MEIOB: variants seen among roughly 807,000 people sequenced by gnomAD.
MEIOB encodes the protein meiosis specific with OB-fold, also known as meiosis-specific with OB domain-containing protein.
In MEIOB, 50 loss-of-function variants were observed where a neutral mutation model predicts 53.1. The ratio of observed to expected loss-of-function variants is 0.94; its 90% CI spans 0.75 to 1.19. The LOEUF is 1.19. Ranked by LOEUF, MEIOB falls within the 50% of genes most tolerant of loss-of-function variation. MEIOB has a pLI of 0.00. For missense variants in MEIOB, 551 were observed against 550.8 expected (o/e 1.00, Z 0.00); for synonymous variants, 192 against 182.5 (o/e 1.05, Z -0.42).
intron 1 of MEIOB, among the ~76,000 whole-genome samples, chr16:1,870,327 A>G (rs1784161168): frequency 6.6e-6 from 1 of 152,192 alleles, no homozygotes; most frequent in Non-Finnish European, 1.5e-5. Context: ...TCATCACTCT[A>G]AAAGGTTCTA....
intron 13 of MEIOB, among the ~76,000 whole-genome samples, chr16:1,835,783 C>G (rs1026673148): frequency 6.6e-6 from 1 of 152,160 alleles, no homozygotes; most frequent in Admixed American, 6.6e-5. Flanking sequence ...TATAGAGGAG[C>G]CCAGAGGTTC....
At chr16:1,838,935 G>A (rs971635020) in intron 12 of MEIOB, among the ~76,000 whole-genome samples, 14 of 152,068 alleles carry the variant, frequency 9.2e-5, no homozygotes, top group African/African-American at 4.8e-5. Flanking sequence ...CAAGTGATCC[G>A]CCCTCCTTGG....
intron 11 of MEIOB, 47 bp downstream of exon 11, chr16:1,841,773 T>C (rs1356673212): frequency 2.2e-5 from 30 of 1,373,658 alleles, no homozygotes; most frequent in Non-Finnish European, 2.8e-5. Flanking sequence ...TTAACAATAA[T>C]TATTTCTTAC....
chr16:1,853,335 T>C, intron 7 of MEIOB, 64 bp from the exon 8 acceptor site: 1 of 1,257,316 alleles, frequency 8.0e-7, no homozygotes, highest in African/African-American at 1.5e-5. Flanking sequence ...TAGTGACATA[T>C]TATTTACAAC....
intron 3 of MEIOB, among the ~76,000 whole-genome samples, chr16:1,862,642 C>A (rs929367903): frequency 6.6e-6 from 1 of 151,688 alleles, no homozygotes; most frequent in Non-Finnish European, 1.5e-5. Flanking sequence ...AAAAATAGGC[C>A]GGGCGCAATG....
chr16:1,869,256 CTGGGATT>C (rs1263326212), intron 1 of MEIOB, among the ~76,000 whole-genome samples: 3 of 152,162 alleles, frequency 2.0e-5, no homozygotes, highest in Non-Finnish European at 4.4e-5. Flanking sequence ...TCCCAAATAG[CTGGGATT>C]ACAGGCGCCT....
intron 9 of MEIOB, among the ~76,000 whole-genome samples, chr16:1,850,630 C>T (rs1158535729): frequency 6.7e-6 from 1 of 149,470 alleles, no homozygotes; most frequent in Non-Finnish European, 1.5e-5. Context: ...TAATAATAAA[C>T]CATACATAGG....
At position 1,853,240 on chromosome 16, in the gene MEIOB, T is replaced by C. The variant is rs1899215451; in HGVS notation, c.661A>G (p.Ser221Gly). ...ATACCTGTTTCTCGTGGCATCCAGC[T>C]CTGTGCAAGTAGAATGGATTCATTA... Reference protein sequence around the residue: ...WDNESILLAQSWMPRETVIFA... With the variant: ...WDNESILLAQGWMPRETVIFA... Residue 221 changes from serine to glycine, a missense_variant, in exon 8 of 14, where the codon AGC (serine) becomes GGC (glycine). Coordinates refer to ENST00000325962, the MANE Select transcript of MEIOB (RefSeq NM_001163560.3). The C allele has an allele frequency of 6.4e-7, 1 of 1,551,664 alleles. No homozygotes were observed.
At chr16:1,853,630 G>T (rs1899225205) in intron 7 of MEIOB, among the ~76,000 whole-genome samples, 1 of 152,200 alleles carries the variant, frequency 6.6e-6, no homozygotes. Flanking sequence ...CTGCTCAGGG[G>T]CCTTGATGGG....
Position 1,857,826 on chromosome 16 carries a change from T to C in MEIOB, c.437A>G (p.Glu146Gly). The C allele has an allele frequency of 6.4e-7, 1 of 1,551,552 alleles. No homozygotes were observed. Reference protein sequence around the residue: ...LLSLIHLPVKESHDYYSLGDI... With the variant: ...LLSLIHLPVKGSHDYYSLGDI... ...ACCCAGTGAATAATAATCATGAGAC[T>C]CTTTAACAGGTAAATGTATCAAAGA... The change falls in exon 6 of 14, where the codon GAG becomes GGG. Residue 146 changes from glutamate (E) to glycine (G), a missense_variant. Physicochemically the swap from Glu to Gly is moderately conservative, Grantham distance 98. Transcript: ENST00000325962.
intron 1 of MEIOB, among the ~76,000 whole-genome samples, chr16:1,869,876 A>ATTTTTT (rs10681287): frequency 0.13 from 17,779 of 140,324 alleles, 1,935 homozygotes; most frequent in South Asian, 0.27. Flanking sequence ...AAAGGTAGTG[A>ATTTTTT]TTTTTTTTTT....
At chr16:1,865,188 T>C (rs1342721657) in intron 3 of MEIOB, among the ~76,000 whole-genome samples, 2 of 151,940 alleles carry the variant, frequency 1.3e-5, no homozygotes, top group Non-Finnish European at 2.9e-5. Flanking sequence ...TTCCAGCACT[T>C]TGGGAGGCCG....
intron 4 of MEIOB, 75 bp from the exon 5 acceptor site, chr16:1,860,550 T>A (rs1238185272): frequency 4.7e-6 from 4 of 849,628 alleles, no homozygotes; most frequent in Non-Finnish European, 5.7e-6. Flanking sequence ...AATAACATCC[T>A]GTTTAATTTA....
intron 9 of MEIOB, among the ~76,000 whole-genome samples, chr16:1,846,318 G>A (rs186185493): frequency 8.3e-4 from 126 of 152,240 alleles, no homozygotes; most frequent in African/African-American, 2.8e-3. Context: ...CAGCACTGCA[G>A]GTCCTCACTG....
chr16:1,842,584 T>A (rs552010798), intron 10 of MEIOB, among the ~76,000 whole-genome samples: 1 of 116,956 alleles, frequency 8.6e-6, no homozygotes, highest in East Asian at 2.9e-4. Flanking sequence ...GATGGCGCCA[T>A]TGCACTCCAG....
chr16:1,834,531 A>G (rs1379026367), intron 13 of MEIOB, among the ~76,000 whole-genome samples, 165 bp from the exon 14 acceptor site: 2 of 152,246 alleles, frequency 1.3e-5, no homozygotes, highest in Non-Finnish European at 2.9e-5. Context: ...GAAGAGTTCC[A>G]GTCTCGGAGT....
At position 1,862,027 on chromosome 16, in the gene MEIOB, A is replaced by C; in HGVS notation, c.217T>G (p.Tyr73Asp). 1 of 1,551,548 alleles carries C rather than the reference A, an allele frequency of 6.4e-7. No homozygotes were observed. Among genetic ancestry groups the C allele is most frequent in the Non-Finnish European group, 8.7e-7 (1 of 1,146,884 alleles). Residue 73 changes from tyrosine (Y) to aspartate (D), a missense_variant, in exon 4 of 14, where the codon TAC becomes GAC. Physicochemically the swap from Tyr to Asp is radical, Grantham distance 160. Coordinates refer to ENST00000325962, the MANE Select transcript of MEIOB (RefSeq NM_001163560.3). ...VNAASWGNED[Y>D]IKSLSDSFRV... ...AAGCTGTCAGAAAGAGACTTGATGT[A>C]ATCTTCATTGCCCCAGGAAGCTGCA...
chr16:1,845,573 A>G (rs962677669), intron 9 of MEIOB, among the ~76,000 whole-genome samples: 6 of 152,136 alleles, frequency 3.9e-5, no homozygotes, highest in Non-Finnish European at 8.8e-5. Flanking sequence ...ATATACGAAA[A>G]AATGATTCTC....
chr16:1,860,908 T>C (rs957454633), intron 4 of MEIOB, among the ~76,000 whole-genome samples: 3 of 152,092 alleles, frequency 2.0e-5, no homozygotes, highest in Non-Finnish European at 4.4e-5. Flanking sequence ...AGAGGAGTGT[T>C]TTCATTACCT....
Sources: gnomAD v4.1 joint callset for allele counts (sites outside exome capture counted in the v4.1 genomes callset) on GRCh38, gnomAD v4.1.1 for gene constraint, MANE v1.5 for transcripts, NCBI Gene and HGNC (gene_info 2026-07-23, HGNC 2026-07-21) for gene names.